Variants in PPP1R1C observed in about 807,000 individuals in gnomAD.
The protein encoded by PPP1R1C is protein phosphatase 1 regulatory inhibitor subunit 1C, also known as protein phosphatase 1 regulatory subunit 1C.
Under a neutral mutation model 17.4 loss-of-function variants are expected in PPP1R1C, and 15 were observed. The ratio of observed to expected loss-of-function variants is 0.86; its 90% CI spans 0.58 to 1.33. The LOEUF is 1.33. Among genes scored for constraint, PPP1R1C ranks in the 40% most tolerant of loss-of-function variants. The pLI is 0.00. For missense variants in PPP1R1C, 143 were observed against 130.0 expected (o/e 1.10, Z -0.48); for synonymous variants, 35 against 43.1 (o/e 0.81, Z 0.73).
At chr2:182,013,472 T>C (rs1158225340) in intron 2 of PPP1R1C, among the ~76,000 whole-genome samples, 3 of 152,150 alleles carry the variant, frequency 2.0e-5, no homozygotes, top group Non-Finnish European at 2.9e-5. Context: ...CCTTTCTTTA[T>C]CCTTGATCTT....
At chr2:181,994,049 C>T (rs909656500) in intron 2 of PPP1R1C, among the ~76,000 whole-genome samples, 6 of 151,866 alleles carry the variant, frequency 4.0e-5, no homozygotes, top group Non-Finnish European at 7.4e-5. Context: ...CCCCCTAATT[C>T]ATCAGGAGAG....
intron 1 of PPP1R1C, among the ~76,000 whole-genome samples, chr2:181,964,385 G>T (rs1684868815): frequency 6.6e-6 from 1 of 152,198 alleles, no homozygotes; most frequent in African/African-American, 2.4e-5. Context: ...CACTTAGGTT[G>T]CTTCTAAATC....
intron 4 of PPP1R1C, among the ~76,000 whole-genome samples, chr2:182,070,430 G>C (rs1487100884): frequency 1.3e-5 from 2 of 152,176 alleles, no homozygotes; most frequent in Non-Finnish European, 2.9e-5. Context: ...TTGTTCATTT[G>C]ATTCCAATTT....
At chr2:182,114,940 G>A (rs1056395419) in intron 4 of PPP1R1C, among the ~76,000 whole-genome samples, 2 of 152,152 alleles carry the variant, frequency 1.3e-5, no homozygotes, top group African/African-American at 4.8e-5. Flanking sequence ...GGATTAATGA[G>A]TTAAACATCT....
At chr2:182,034,719 G>A (rs958979268) in intron 2 of PPP1R1C, among the ~76,000 whole-genome samples, 4 of 152,130 alleles carry the variant, frequency 2.6e-5, no homozygotes, top group African/African-American at 9.7e-5. Context: ...AAGTGGGCAG[G>A]CCACAAGTAG....
intron 4 of PPP1R1C, among the ~76,000 whole-genome samples, chr2:182,109,274 T>C (rs113626438): frequency 1.6e-3 from 244 of 152,320 alleles, no homozygotes; most frequent in Admixed American, 2.9e-3. Flanking sequence ...TTTGCAAACA[T>C]TTTCTCTCAG....
intron 2 of PPP1R1C, among the ~76,000 whole-genome samples, chr2:182,014,761 C>A (rs1368305896): frequency 1.3e-5 from 2 of 151,602 alleles, no homozygotes; most frequent in Non-Finnish European, 2.9e-5. Context: ...AGCTGCAAAA[C>A]AAAGTCCTTC....
chr2:182,064,810 T>A (rs989534745), intron 4 of PPP1R1C, among the ~76,000 whole-genome samples: 9 of 152,080 alleles, frequency 5.9e-5, no homozygotes, highest in Admixed American at 2.0e-4. Context: ...TGAAGATAAG[T>A]TTAATCATTT....
At chr2:181,972,621 A>G (rs1685031569) in intron 1 of PPP1R1C, among the ~76,000 whole-genome samples, 1 of 152,202 alleles carries the variant, frequency 6.6e-6, no homozygotes. Context: ...AGTAGCAAAC[A>G]TAGGGTGGAA....
At chr2:182,115,162 G>A (rs1689546320) in intron 4 of PPP1R1C, among the ~76,000 whole-genome samples, 1 of 152,088 alleles carries the variant, frequency 6.6e-6, no homozygotes, top group Non-Finnish European at 1.5e-5. Context: ...GAAGAAGAGT[G>A]GTAGGTGGCT....
At chr2:182,010,484 C>A (rs1686057819) in intron 2 of PPP1R1C, among the ~76,000 whole-genome samples, 1 of 152,018 alleles carries the variant, frequency 6.6e-6, no homozygotes, top group African/African-American at 2.4e-5. Context: ...TATCCTACAA[C>A]TTTACTGAAT....
chr2:181,969,334 C>T (rs1001718935), intron 1 of PPP1R1C, among the ~76,000 whole-genome samples: 2 of 152,110 alleles, frequency 1.3e-5, no homozygotes, highest in African/African-American at 4.8e-5. Flanking sequence ...ATTTATTTCT[C>T]CTTCATGTTT....
chr2:181,971,016 G>A (rs1684996531), intron 1 of PPP1R1C, among the ~76,000 whole-genome samples: 1 of 151,948 alleles, frequency 6.6e-6, no homozygotes, highest in Non-Finnish European at 1.5e-5. Context: ...CTATCCAGGA[G>A]CCAAGGCCTG....
At chr2:182,058,856 A>G (rs886301414) in intron 2 of PPP1R1C, among the ~76,000 whole-genome samples, 16 of 151,974 alleles carry the variant, frequency 1.1e-4, no homozygotes, top group African/African-American at 2.9e-4. Context: ...TTCTCATTCT[A>G]TTATAGTTCA....
intron 2 of PPP1R1C, among the ~76,000 whole-genome samples, chr2:182,013,030 A>T (rs1196188): frequency 1.3e-5 from 2 of 152,068 alleles, no homozygotes; most frequent in African/African-American, 4.8e-5. Flanking sequence ...GCATCATTTA[A>T]TCTTATTACT....
chr2:182,039,153 T>C (rs2125177860), intron 2 of PPP1R1C, among the ~76,000 whole-genome samples: 1 of 152,350 alleles, frequency 6.6e-6, no homozygotes, highest in Middle Eastern at 3.4e-3. Context: ...TCTTCTTTTC[T>C]ATGGTTGCTG....
chr2:182,121,872 A>G (rs747864544), downstream of PPP1R1C, among the ~76,000 whole-genome samples: 1 of 152,098 alleles, frequency 6.6e-6, no homozygotes, highest in Non-Finnish European at 1.5e-5. Flanking sequence ...CTATGTGTTA[A>G]ACTCTCCCCT....
At chr2:182,037,813 T>C (rs1338636697) in intron 2 of PPP1R1C, among the ~76,000 whole-genome samples, 1 of 152,132 alleles carries the variant, frequency 6.6e-6, no homozygotes, top group Non-Finnish European at 1.5e-5. Flanking sequence ...TGTCATTTCC[T>C]AGAAACAAGA....
At chr2:182,080,190 T>A (rs1207423134) in intron 4 of PPP1R1C, among the ~76,000 whole-genome samples, 1 of 152,208 alleles carries the variant, frequency 6.6e-6, no homozygotes. Flanking sequence ...CATTTCCAGT[T>A]TCACCTAAGT....
Sources: gnomAD v4.1 joint callset for allele counts (sites outside exome capture counted in the v4.1 genomes callset) on GRCh38, gnomAD v4.1.1 for gene constraint, MANE v1.5 for transcripts, NCBI Gene and HGNC (gene_info 2026-07-23, HGNC 2026-07-21) for gene names.